NEB: variants seen among roughly 807,000 people sequenced by gnomAD.
The protein encoded by NEB is nebulin, also known as nemaline myopathy type 2.
Under a neutral mutation model 952.2 loss-of-function variants are expected in NEB, and 512 were observed. The ratio of observed to expected loss-of-function variants is 0.54; its 90% confidence interval spans 0.50 to 0.58. NEB has a LOEUF of 0.58. Among genes scored for constraint, NEB ranks in the 20% least tolerant of loss-of-function variants. NEB has a pLI of 0.00. For synonymous variants in NEB, 2,900 were observed against 3,149.8 expected (o/e 0.92, Z 2.66); for missense variants, 8,428 against 9,231.1 (o/e 0.91, Z 3.56).
chr2:151,712,548 T>A (rs926942378), intron 10 of NEB, among the ~76,000 whole-genome samples: 3 of 152,050 alleles, frequency 2.0e-5, no homozygotes, highest in Non-Finnish European at 4.4e-5. Context: ...CTGAAATGGG[T>A]CAGGGTGGAG....
Position 151,496,969 on chromosome 2 carries a change from A to C in NEB, c.24365T>G (p.Val8122Gly), listed in dbSNP as rs1322623871. ...GCTAATATTTTCTTGATTGTGTTTG[A>C]CTCTCTCCATCTCAGGAGTGACAGG... ...PLPVTPEMER[V>G]KHNQENISSV... The change falls in exon 172 of 182, where the codon GTC becomes GGC. Residue 8122 changes from valine (V) to glycine (G), a missense_variant. Coordinates refer to ENST00000397345, the MANE Select transcript of NEB (RefSeq NM_001164508.2). 6 of 1,579,730 alleles carry C rather than the reference A, an allele frequency of 3.8e-6. No homozygotes were observed. The highest frequency in any genetic ancestry group is 3.4e-6 in the Non-Finnish European group (4 of 1,160,720).
At chr2:151,703,158 T>G (rs1169979434) in intron 13 of NEB, among the ~76,000 whole-genome samples, 1 of 143,924 alleles carries the variant, frequency 6.9e-6, no homozygotes, top group Non-Finnish European at 1.5e-5. Context: ...GGTTGAAAAT[T>G]CTTTTCTTTA....
At position 151,618,444 on chromosome 2, in the gene NEB, C is replaced by T; in HGVS notation, c.10907G>A (p.Gly3636Asp). The change falls in exon 74 of 182, where the codon GGC (glycine) becomes GAC (aspartate). Residue 3636 changes from glycine to aspartate, a missense_variant. Gly to Asp is a moderately conservative substitution (Grantham distance 94). This residue lies in a region of NEB where 1,772 missense variants were observed against 1,960.3 expected (regional missense o/e 0.90). Transcript: ENST00000397345. ...LYKSDLEWMK[G>D]IGWVPIDSLE... is the part of the protein sequence containing the mutation. ...GGAATCAATCGGAACCCAGCCAATG[C>T]CTTTCATCCATTCAAGGTCTGACTT... 2 of 1,613,900 alleles carry T rather than the reference C, an allele frequency of 1.2e-6. No individual in the cohort carries two copies. Among genetic ancestry groups the T allele is most frequent in the Non-Finnish European group, 1.7e-6 (2 of 1,179,852 alleles).
intron 173 of NEB, among the ~76,000 whole-genome samples, chr2:151,495,881 T>C (rs1014139234): frequency 6.6e-6 from 1 of 152,170 alleles, no homozygotes; most frequent in Non-Finnish European, 1.5e-5. Context: ...GAACCTGAAG[T>C]CATTGACACA....
At chr2:151,682,096 A>C (rs1170048820) in intron 29 of NEB, among the ~76,000 whole-genome samples, 2 of 152,196 alleles carry the variant, frequency 1.3e-5, no homozygotes, top group South Asian at 4.1e-4. Flanking sequence ...ACCAAATTAC[A>C]AGCAGAAACA....
At chr2:151,667,977 A>G in intron 39 of NEB, 66 bp from the exon 40 acceptor site, 1 of 1,258,776 alleles carries the variant, frequency 7.9e-7, no homozygotes, top group South Asian at 1.3e-5. Context: ...CAGAATGCCA[A>G]AATGTTTCTT....
chr2:151,649,468 G>C (rs143541168), intron 54 of NEB, among the ~76,000 whole-genome samples: 1 of 152,190 alleles, frequency 6.6e-6, no homozygotes, highest in African/African-American at 2.4e-5. Flanking sequence ...CCTAATAACA[G>C]ACGGTTATTA....
intron 107 of NEB, among the ~76,000 whole-genome samples, chr2:151,573,008 A>G (rs936434325): frequency 6.6e-6 from 1 of 152,184 alleles, no homozygotes; most frequent in Non-Finnish European, 1.5e-5. Context: ...ATCTTACTCA[A>G]TGTAGTGAGC....
At position 151,682,647 on chromosome 2, in the gene NEB, A is replaced by T. The variant is rs1248093084; in HGVS notation, c.2943+15T>A. 13 of 1,590,592 alleles carry T rather than the reference A, an allele frequency of 8.2e-6. No homozygotes were observed. Among genetic ancestry groups the T allele is most frequent in the Non-Finnish European group, 1.1e-5 (13 of 1,160,692 alleles). ...ACAGTCACCACTCTCCCTCTGACAC[A>T]CCCAGTGGCTTTACCTCATTGAGGA... On this transcript the variant is annotated intron_variant, in intron 29 of 181. Coordinates refer to ENST00000397345, the MANE Select transcript of NEB (RefSeq NM_001164508.2).
Position 151,612,850 on chromosome 2 carries a change from T to C in NEB, c.11602-461A>G, listed in dbSNP as rs375987922. 3.4e-4 allele frequency among the ~76,000 whole-genome samples: 52 copies of C among 152,322 alleles called. No homozygotes were observed. In the South Asian group the frequency reaches 0.01, roughly 30 times the overall value. Reference sequence around the variant, plus strand: ...TTGCATTAATGTGTTTTTTTGGGGATAAAAACGACGTCTTTTTCGTATGCT... The same window carrying C: ...TTGCATTAATGTGTTTTTTTGGGGACAAAAACGACGTCTTTTTCGTATGCT... On this transcript the variant is annotated intron_variant, in intron 77 of 181. Transcript: ENST00000397345.
intron 68 of NEB, 90 bp from the exon 69 acceptor site, chr2:151,627,924 T>A: frequency 6.9e-7 from 1 of 1,457,574 alleles, no homozygotes; most frequent in Non-Finnish European, 9.2e-7. Context: ...TTAAAATTGC[T>A]AATTCTTGCA....
At chr2:151,516,356 A>C in intron 157 of NEB, 103 bp downstream of exon 157, 1 of 690,904 alleles carries the variant, frequency 1.4e-6, no homozygotes, top group Non-Finnish European at 2.4e-6. Flanking sequence ...AAGTTTCATC[A>C]GCTACCACTT....
At chr2:151,525,747 G>A (rs949269582) in intron 150 of NEB, among the ~76,000 whole-genome samples, 3 of 152,180 alleles carry the variant, frequency 2.0e-5, no homozygotes, top group Admixed American at 6.5e-5. Context: ...TACATGTCCT[G>A]TAGCAAAACC....
At position 151,494,184 on chromosome 2, in the gene NEB, G is replaced by A. The variant is rs765313781; in HGVS notation, c.24556C>T (p.Arg8186Cys). ...PVTPEMQRVK[R>C]NQENISSVLY... ...ACCGAGCTAATGTTTTCTTGATTGC[G>A]TTTGACTCTCTGCATCTCAGGAGTG... The change falls in exon 174 of 182, where the codon CGC becomes TGC. Residue 8186 changes from arginine to cysteine, a missense_variant. By Grantham distance (180) the Arg-to-Cys change is radical. Around this residue, in one of 11 missense-constraint regions of NEB, gnomAD observed 3,374 missense variants for 3,651.5 expected, o/e 0.92. Coordinates refer to ENST00000397345, the MANE Select transcript of NEB (RefSeq NM_001164508.2). 8.1e-6 allele frequency: 13 copies of A among 1,607,522 alleles called. No individual in the cohort carries two copies. Among genetic ancestry groups the A allele is most frequent in the South Asian group, 4.5e-5 (4 of 89,644 alleles).
intron 157 of NEB, 97 bp downstream of exon 157, chr2:151,516,362 C>T (rs2077699340): frequency 1.4e-6 from 1 of 721,472 alleles, no homozygotes; most frequent in Non-Finnish European, 2.3e-6. Flanking sequence ...CATCAGCTAC[C>T]ACTTTTGGAT....
chr2:151,686,797 T>C (rs1380427707), intron 27 of NEB, among the ~76,000 whole-genome samples: 4 of 152,194 alleles, frequency 2.6e-5, no homozygotes, highest in African/African-American at 9.7e-5. Flanking sequence ...TAGATGTTTG[T>C]CTCTCTGTAG....
intron 181 of NEB, among the ~76,000 whole-genome samples, chr2:151,488,199 A>G (rs1297618078): frequency 2.0e-5 from 3 of 152,030 alleles, no homozygotes. Context: ...CAATATTAAT[A>G]TTTTTGTTAT....
At chr2:151,496,914 A>T in intron 172 of NEB, 27 bp downstream of exon 172, 1 of 1,515,790 alleles carries the variant, frequency 6.6e-7, no homozygotes, top group Non-Finnish European at 9.0e-7. Flanking sequence ...ATCAGTAAGT[A>T]GTTTTTTTCT....
chr2:151,497,828 T>C (rs1476916366), intron 170 of NEB, 110 bp from the exon 171 acceptor site: 12 of 1,527,756 alleles, frequency 7.9e-6, no homozygotes, highest in Non-Finnish European at 1.1e-5. Flanking sequence ...AGAAGTTATA[T>C]GCTGACAAAA....
Sources: gnomAD v4.1 joint callset for allele counts (sites outside exome capture counted in the v4.1 genomes callset) on GRCh38, gnomAD v4.1.1 for gene constraint, gnomAD v4.1.1 regional missense constraint, MANE v1.5 for transcripts, NCBI Gene and HGNC (gene_info 2026-07-23, HGNC 2026-07-21) for gene names.